AGAP1: variants seen among roughly 807,000 people sequenced by gnomAD.
AGAP1 encodes arf-GAP with GTPase, ANK repeat and PH domain-containing protein 1.
A neutral mutation model predicts 105.3 loss-of-function variants in AGAP1; 29 were observed. The ratio of observed to expected loss-of-function variants is 0.28; its 90% CI spans 0.21 to 0.38. The LOEUF is 0.38. Among genes scored for constraint, AGAP1 ranks in the 10% least tolerant of loss-of-function variants. AGAP1 has a pLI of 1.00. For synonymous variants in AGAP1, 509 were observed against 485.9 expected (o/e 1.05, Z -0.63); for missense variants, 998 against 1,165.1 (o/e 0.86, Z 2.09).
intron 13 of AGAP1, among the ~76,000 whole-genome samples, chr2:235,991,229 A>G (rs944564749): frequency 2.0e-5 from 3 of 152,224 alleles, no homozygotes; most frequent in Non-Finnish European, 4.4e-5. Context: ...ATTATTATGC[A>G]TTTCTTATTT....
rs1023624865 is a variant in AGAP1 at position 235,573,757 on chromosome 2, G to A, written c.163+78908G>A. Among the ~76,000 whole-genome samples the A allele has an allele frequency of 2.6e-4, 40 of 152,184 alleles. 1 individual carries two copies. The highest frequency in any genetic ancestry group is 1.8e-3 in the Admixed American group (28 of 15,286). On this transcript the variant is annotated intron_variant, in intron 1 of 17. Transcript: ENST00000304032. Reference sequence around the variant, plus strand: ...CAGGTGGGCTTGGCAGGTGTGCCCCGGCTCATCTGGAGAGTCAGGTCAGGG... The same window carrying A: ...CAGGTGGGCTTGGCAGGTGTGCCCCAGCTCATCTGGAGAGTCAGGTCAGGG...
intron 1 of AGAP1, among the ~76,000 whole-genome samples, chr2:235,534,250 G>A (rs898802918): frequency 1.1e-4 from 16 of 152,214 alleles, no homozygotes; most frequent in Admixed American, 1.3e-4. Context: ...CGTGCGCATG[G>A]TGGGGATGAG....
At position 235,663,909 on chromosome 2, in the gene AGAP1, A is replaced by G. The variant is rs907234434; in HGVS notation, c.164-45270A>G. ...CCCCTGTGCACCCAATACTAGGAAG[A>G]TTAGATAATGTGTAGGGATTTCTTG... On this transcript the variant is annotated intron_variant, in intron 1 of 17. Coordinates refer to ENST00000304032, the MANE Select transcript of AGAP1 (RefSeq NM_001037131.3). The surrounding 1 kb of genome is among the most constrained non-coding windows in gnomAD (Gnocchi z 5.4). 6.6e-6 allele frequency among the ~76,000 whole-genome samples: 1 copy of G among 152,172 alleles called. No homozygotes were observed. The highest frequency in any genetic ancestry group is 1.5e-5 in the Non-Finnish European group (1 of 68,030).
intron 1 of AGAP1, among the ~76,000 whole-genome samples, chr2:235,626,681 A>G (rs1458049207): frequency 6.6e-6 from 1 of 152,228 alleles, no homozygotes; most frequent in East Asian, 1.9e-4. Context: ...GAGTAATACT[A>G]AAAATGTATT....
chr2:235,718,645 C>G (rs975422921), intron 3 of AGAP1, among the ~76,000 whole-genome samples: 1 of 152,208 alleles, frequency 6.6e-6, no homozygotes, highest in East Asian at 1.9e-4. Context: ...CTGAATACTG[C>G]GGAACCGTTC....
At chr2:235,912,585 G>T (rs1285670094) in intron 11 of AGAP1, among the ~76,000 whole-genome samples, 1 of 152,030 alleles carries the variant, frequency 6.6e-6, no homozygotes. Context: ...CATTCACATA[G>T]ACCTGATATA....
At chr2:235,573,486 G>A (rs1233171373) in intron 1 of AGAP1, among the ~76,000 whole-genome samples, 1 of 152,010 alleles carries the variant, frequency 6.6e-6, no homozygotes, top group Admixed American at 6.5e-5. Flanking sequence ...ATTTTCATAG[G>A]AAAAAGTCCT....
At chr2:235,912,846 C>T (rs1009512553) in intron 11 of AGAP1, among the ~76,000 whole-genome samples, 1 of 152,146 alleles carries the variant, frequency 6.6e-6, no homozygotes, top group Non-Finnish European at 1.5e-5. Flanking sequence ...ATAAAAATGC[C>T]TCATGTTTTG....
Position 235,596,542 on chromosome 2 carries a change from G to T in AGAP1, c.163+101693G>T, listed in dbSNP as rs539710778. On this transcript the variant is annotated intron_variant, in intron 1 of 17. Coordinates refer to ENST00000304032, the MANE Select transcript of AGAP1 (RefSeq NM_001037131.3). The surrounding 1 kb of genome is among the most constrained non-coding windows in gnomAD (Gnocchi z 5.9). ...GTAGCACCCCGGCTGCTGGTCCCTG[G>T]TCTGGGGAAAGGCAGGCAGAGTTGG... is the stretch of plus-strand genomic sequence containing the variant. Among the ~76,000 whole-genome samples, 6 of 152,220 alleles carry T rather than the reference G, an allele frequency of 3.9e-5. No individual in the cohort carries two copies. Among genetic ancestry groups the T allele is most frequent in the Non-Finnish European group, 8.8e-5 (6 of 68,046 alleles).
intron 5 of AGAP1, among the ~76,000 whole-genome samples, chr2:235,749,161 T>C (rs1953212269): frequency 1.3e-5 from 2 of 151,802 alleles, no homozygotes; most frequent in African/African-American, 4.8e-5. Flanking sequence ...GTGAGCCAGC[T>C]CACGCCACTG....
chr2:235,678,844 A>T lies in AGAP1; in HGVS notation c.164-30335A>T, dbSNP rs118048860. Among the ~76,000 whole-genome samples, 145 of 147,540 alleles carry T rather than the reference A, an allele frequency of 9.8e-4. 4 individuals carry two copies. In the East Asian group the frequency reaches 0.028, roughly 29 times the overall value. On this transcript the variant is annotated intron_variant, in intron 1 of 17. Coordinates refer to ENST00000304032, the MANE Select transcript of AGAP1 (RefSeq NM_001037131.3). ...GCTGGGTGGAAGGTCCCTGCTTCCC[A>T]CTCCCGCTCTCCTGCCTGCCAGCCC...
intron 12 of AGAP1, among the ~76,000 whole-genome samples, chr2:235,946,441 G>T (rs922342829): frequency 3.3e-5 from 5 of 152,068 alleles, no homozygotes; most frequent in African/African-American, 9.7e-5. Context: ...AAGAGCTGGG[G>T]ATTCCAGGCT....
In AGAP1 at chr2:235,964,518, A is replaced by G. The variant is rs1348004138; in HGVS notation, c.1484-3944A>G. 6.6e-6 allele frequency among the ~76,000 whole-genome samples: 1 copy of G among 152,086 alleles called. No homozygotes were observed. Among genetic ancestry groups the G allele is most frequent in the African/African-American group, 2.4e-5 (1 of 41,404 alleles). On this transcript the variant is annotated intron_variant, in intron 12 of 17. Coordinates refer to ENST00000304032, the MANE Select transcript of AGAP1 (RefSeq NM_001037131.3). The surrounding 1 kb of genome is among the most constrained non-coding windows in gnomAD (Gnocchi z 4.6). ...GAAAATATTTAAAATGAGCAAAAAG[A>G]TTGCCTGCCTGGTTTGAGCATTGAA...
At chr2:235,686,644 TAGATATATATATATATATATA>T (rs1304959806) in intron 1 of AGAP1, among the ~76,000 whole-genome samples, 1,071 of 51,692 alleles carry the variant, frequency 0.021, 72 homozygotes, top group African/African-American at 0.089. Context: ...TATATATATA[TAGATATATATATATATATATA>T]TTTTTTTTTT....
Position 236,125,240 on chromosome 2 carries a change from A to C in AGAP1, c.*1118A>C, listed in dbSNP as rs1389761848. ...GTGTGAAAATATATTTGAATAAAAG[A>C]AGTTCATAAATATGCATTGATTTTT... is the stretch of plus-strand genomic sequence containing the variant. On this transcript the variant is annotated 3_prime_UTR_variant, in exon 18 of 18. Coordinates refer to ENST00000304032, the MANE Select transcript of AGAP1 (RefSeq NM_001037131.3). The surrounding 1 kb of genome is among the most constrained non-coding windows in gnomAD (Gnocchi z 5.2). 6.5e-6 allele frequency: 1 copy of C among 153,948 alleles called. No individual in the cohort carries two copies. The highest frequency in any genetic ancestry group is 2.4e-5 in the African/African-American group (1 of 41,464). The allele number at this position is 153,948 out of a possible 1,614,324, so 9.5% of individuals were successfully genotyped here.
In AGAP1 at chr2:235,957,979, G is replaced by A. The variant is rs13386003; in HGVS notation, c.1484-10483G>A. 5.4e-3 allele frequency among the ~76,000 whole-genome samples: 825 copies of A among 152,334 alleles called. 7 individuals are homozygous for A. The highest frequency in any genetic ancestry group is 0.019 in the African/African-American group (781 of 41,576). ...CACTGCCAAATAGGTAAATTAAGGT[G>A]TGGGTGGAAGTCAGCAGGGGCAGGG... On this transcript the variant is annotated intron_variant, in intron 12 of 17. Transcript: ENST00000304032. This position sits in a 1 kb window ranked among gnomAD's most constrained non-coding sequence, Gnocchi z 4.6.
chr2:235,865,493 AC>A lies in AGAP1; in HGVS notation c.1051-17850del, dbSNP rs2049122470. On this transcript the variant is annotated intron_variant, in intron 9 of 17. Coordinates refer to ENST00000304032, the MANE Select transcript of AGAP1 (RefSeq NM_001037131.3). The surrounding 1 kb of genome is among the most constrained non-coding windows in gnomAD (Gnocchi z 6.2). ...AAAGTGTAACCCTTTGTGCCCTGCA[AC>A]CTGGCACAACGACAGAAATATTACT... Among the ~76,000 whole-genome samples, 3 of 152,186 alleles carry A rather than the reference AC, an allele frequency of 2.0e-5. No individual in the cohort carries two copies. The South Asian group carries it at 6.2e-4, about 32-fold the overall frequency.
At chr2:235,776,147 T>C (rs940192243) in intron 6 of AGAP1, among the ~76,000 whole-genome samples, 4 of 152,208 alleles carry the variant, frequency 2.6e-5, no homozygotes, top group African/African-American at 9.6e-5. Context: ...GGGCCAAAAG[T>C]GGACCTGTTT....
Position 235,725,927 on chromosome 2 carries a change from T to C in AGAP1, c.310+8283T>C, listed in dbSNP as rs1236502868. Among the ~76,000 whole-genome samples, 1 of 152,192 alleles carries C rather than the reference T, an allele frequency of 6.6e-6. No homozygotes were observed. The highest frequency in any genetic ancestry group is 1.5e-5 in the Non-Finnish European group (1 of 68,022). On this transcript the variant is annotated intron_variant, in intron 3 of 17. Coordinates refer to ENST00000304032, the MANE Select transcript of AGAP1 (RefSeq NM_001037131.3). The surrounding 1 kb of genome is among the most constrained non-coding windows in gnomAD (Gnocchi z 5.7). Reference sequence around the variant, plus strand: ...TCAAAAAAATAATAAAAGGGAAGCATGTTCTGTTTCATTTTGAGCAAGAAA... The same window carrying C: ...TCAAAAAAATAATAAAAGGGAAGCACGTTCTGTTTCATTTTGAGCAAGAAA...
Sources: gnomAD v4.1 joint callset for allele counts (sites outside exome capture counted in the v4.1 genomes callset) on GRCh38, gnomAD v4.1.1 for gene constraint, Gnocchi (gnomAD v3.1) non-coding constraint, MANE v1.5 for transcripts, NCBI Gene and HGNC (gene_info 2026-07-23, HGNC 2026-07-21) for gene names.